EML6: variants seen among roughly 807,000 people sequenced by gnomAD.
EML6 encodes the protein echinoderm microtubule-associated protein-like 6.
EML6 carries 154 observed loss-of-function variants against 240.1 expected under a neutral mutation model. That is an observed-to-expected ratio of 0.64 (90% CI 0.56 to 0.73). The LOEUF is 0.73. Ranked by LOEUF, EML6 falls within the 30% of genes least tolerant of loss-of-function variation. The pLI is 0.00. For synonymous variants in EML6, 1,148 were observed against 899.0 expected, an observed-to-expected ratio of 1.28 and a Z score of -4.95; for missense variants, 2,964 against 2,474.6, an observed-to-expected ratio of 1.20 and a Z score of -4.20.
intron 31 of EML6, among the ~76,000 whole-genome samples, chr2:54,953,766 A>T (rs963150229): frequency 2.0e-5 from 3 of 152,018 alleles, no homozygotes; most frequent in African/African-American, 4.8e-5. Flanking sequence ...GCGTGCCTGT[A>T]ATCCCAGCTA....
intron 25 of EML6, among the ~76,000 whole-genome samples, chr2:54,912,400 A>C (rs931659792): frequency 6.6e-6 from 1 of 152,056 alleles, no homozygotes; most frequent in East Asian, 1.9e-4. Flanking sequence ...ATACACCTTT[A>C]TTTTTAATTT....
chr2:54,815,742 A>G (rs952321862), intron 3 of EML6, among the ~76,000 whole-genome samples: 3 of 152,250 alleles, frequency 2.0e-5, no homozygotes, highest in African/African-American at 7.2e-5. Context: ...AGCCATCTTT[A>G]GTGAAGAAAG....
intron 9 of EML6, 82 bp from the exon 10 acceptor site, chr2:54,849,880 C>A (rs1048252840): frequency 8.6e-7 from 1 of 1,161,020 alleles, no homozygotes; most frequent in Non-Finnish European, 1.2e-6. Flanking sequence ...CAACACACTT[C>A]TTTTTCTGAC....
chr2:54,862,944 G>C (rs1670761396), intron 12 of EML6, among the ~76,000 whole-genome samples: 1 of 152,220 alleles, frequency 6.6e-6, no homozygotes, highest in African/African-American at 2.4e-5. Flanking sequence ...TCAGGCTGCA[G>C]GGGAACAGGG....
rs532503339 is a variant in EML6 at position 54,849,783 on chromosome 2, C to T, written c.1188-179C>T. Among the ~76,000 whole-genome samples the T allele has an allele frequency of 6.0e-4, 91 of 152,334 alleles. 2 individuals carry two copies. The highest frequency in any genetic ancestry group is 1.6e-3 in the African/African-American group (67 of 41,580). On this transcript the variant is annotated intron_variant, in intron 9 of 41. Coordinates refer to ENST00000356458, the MANE Select transcript of EML6 (RefSeq NM_001039753.4). Reference sequence around the variant, plus strand: ...GATTACAGGCGTAAGCCACCGCGCCCGGCCAATGCCATAAATTTTAAATAA... The same window carrying T: ...GATTACAGGCGTAAGCCACCGCGCCTGGCCAATGCCATAAATTTTAAATAA...
intron 7 of EML6, among the ~76,000 whole-genome samples, chr2:54,835,661 C>T (rs1171135203): frequency 2.0e-5 from 3 of 152,140 alleles, no homozygotes; most frequent in Admixed American, 6.5e-5. Context: ...TGTTTTTACT[C>T]CTCTGAGTAC....
At chr2:54,872,509 C>A (rs1671308130) in intron 16 of EML6, among the ~76,000 whole-genome samples, 1 of 152,124 alleles carries the variant, frequency 6.6e-6, no homozygotes, top group Non-Finnish European at 1.5e-5. Flanking sequence ...CTAATTCTAT[C>A]CCCTCTTCCT....
chr2:54,848,139 A>G (rs892677604), intron 9 of EML6, among the ~76,000 whole-genome samples: 6 of 152,190 alleles, frequency 3.9e-5, no homozygotes, highest in African/African-American at 1.2e-4. Context: ...GAGCTTTAGT[A>G]AAAGATTTCT....
intron 3 of EML6, among the ~76,000 whole-genome samples, chr2:54,816,210 C>T (rs1007254420): frequency 2.0e-5 from 3 of 152,098 alleles, no homozygotes; most frequent in African/African-American, 4.8e-5. Flanking sequence ...GCATTTTATT[C>T]TTACTTTAAG....
chr2:54,914,757 G>A (rs1395107723), intron 25 of EML6, among the ~76,000 whole-genome samples: 1 of 151,612 alleles, frequency 6.6e-6, no homozygotes, highest in Non-Finnish European at 1.5e-5. Flanking sequence ...GAGCATGAGG[G>A]ATTTTGGAAA....
At chr2:54,906,553 AGTCAAAG>A (rs2104250746) in intron 24 of EML6, among the ~76,000 whole-genome samples, 1 of 152,322 alleles carries the variant, frequency 6.6e-6, no homozygotes, top group South Asian at 2.1e-4. Context: ...AGAGGAGTGG[AGTCAAAG>A]GTCTTTGAAA....
chr2:54,882,857 CAAAAAAAAAA>C (rs200297583), intron 17 of EML6: 2 of 15,846 alleles, frequency 1.3e-4, no homozygotes, highest in Admixed American at 1.4e-3. Flanking sequence ...GACTCCGTCT[CAAAAAAAAAA>C]AAAAAAAGAA....
intron 11 of EML6, among the ~76,000 whole-genome samples, chr2:54,856,547 T>C (rs1345061920): frequency 6.6e-6 from 1 of 152,184 alleles, no homozygotes; most frequent in Admixed American, 6.5e-5. Context: ...AAGACTTGAG[T>C]TGCAGAAATC....
chr2:54,927,342 C>G (rs1425056809), intron 26 of EML6, among the ~76,000 whole-genome samples: 1 of 152,208 alleles, frequency 6.6e-6, no homozygotes, highest in Admixed American at 6.5e-5. Context: ...TTTTCAGATT[C>G]TCTAGCATGC....
chr2:54,930,822 C>A (rs1455496973), intron 28 of EML6, among the ~76,000 whole-genome samples: 1 of 151,938 alleles, frequency 6.6e-6, no homozygotes, highest in Non-Finnish European at 1.5e-5. Context: ...TAGTAAAGAG[C>A]AATAAATGAT....
At chr2:54,933,770 A>G (rs549367387) in intron 28 of EML6, among the ~76,000 whole-genome samples, 1 of 152,104 alleles carries the variant, frequency 6.6e-6, no homozygotes, top group South Asian at 2.1e-4. Context: ...AACCCCCACT[A>G]TCCTATATGT....
At chr2:54,891,811 C>G (rs1157840496) in intron 18 of EML6, among the ~76,000 whole-genome samples, 1 of 152,136 alleles carries the variant, frequency 6.6e-6, no homozygotes, top group Non-Finnish European at 1.5e-5. Context: ...GTCTGGAGAG[C>G]CAGCCTGTGT....
chr2:54,856,184 C>T (rs978783433), intron 11 of EML6, among the ~76,000 whole-genome samples: 3 of 152,238 alleles, frequency 2.0e-5, no homozygotes, highest in African/African-American at 7.2e-5. Flanking sequence ...ACAGTTTTCA[C>T]ATCTTAAAAT....
intron 28 of EML6, among the ~76,000 whole-genome samples, chr2:54,929,692 ACCTCCTCCTCCT>A (rs67666233): frequency 2.9e-4 from 41 of 143,158 alleles, no homozygotes; most frequent in South Asian, 1.5e-3. Context: ...AAGAAATGTA[ACCTCCTCCTCCT>A]CCTCCTCCTC....
Sources: gnomAD v4.1 joint callset for allele counts (sites outside exome capture counted in the v4.1 genomes callset) on GRCh38, gnomAD v4.1.1 for gene constraint, MANE v1.5 for transcripts, NCBI Gene and HGNC (gene_info 2026-07-23, HGNC 2026-07-21) for gene names.